TMEM229B: variants seen among roughly 807,000 people sequenced by gnomAD.
The protein encoded by TMEM229B is transmembrane protein 229B.
A neutral mutation model predicts 13.7 loss-of-function variants in TMEM229B; 6 were observed. The ratio of observed to expected loss-of-function variants is 0.44; its 90% CI spans 0.24 to 0.86. TMEM229B has a LOEUF of 0.86. TMEM229B is among the 40% of genes least tolerant of loss of function. The pLI is 0.23. For synonymous variants in TMEM229B, 107 were observed against 102.1 expected, an observed-to-expected ratio of 1.05 and a Z score of -0.29; for missense variants, 170 against 236.0, an observed-to-expected ratio of 0.72 and a Z score of 1.83.
intron 1 of TMEM229B, among the ~76,000 whole-genome samples, chr14:67,499,996 T>C (rs1227251973): frequency 6.6e-6 from 1 of 152,090 alleles, no homozygotes; most frequent in Non-Finnish European, 1.5e-5. Flanking sequence ...GCTCTACCAT[T>C]GATACTTGTA....
At position 67,506,130 on chromosome 14, in the gene TMEM229B, A is replaced by G. The variant is rs748280768; in HGVS notation, c.-192+8956T>C. Reference sequence around the variant, plus strand: ...AGCCAGCAGAGTGTACCCAGTGAGCACTTTCCTGCCCCTCCCAGTCCAGTG... The same window carrying G: ...AGCCAGCAGAGTGTACCCAGTGAGCGCTTTCCTGCCCCTCCCAGTCCAGTG... On this transcript the variant is annotated intron_variant, in intron 1 of 2. Transcript: ENST00000357461. Among the ~76,000 whole-genome samples, 15 of 152,204 alleles carry G rather than the reference A, an allele frequency of 9.9e-5. 1 individual carries two copies. The highest frequency in any genetic ancestry group is 4.1e-4 in the South Asian group (2 of 4,836).
At chr14:67,484,765 GA>G (rs879545503) in intron 2 of TMEM229B, among the ~76,000 whole-genome samples, 4 of 149,658 alleles carry the variant, frequency 2.7e-5, no homozygotes, top group African/African-American at 7.4e-5. Flanking sequence ...TTCTAATAAA[GA>G]AAAAAAAAGA....
intron 2 of TMEM229B, among the ~76,000 whole-genome samples, chr14:67,476,623 A>T (rs2031215529): frequency 6.6e-6 from 1 of 152,134 alleles, no homozygotes; most frequent in African/African-American, 2.4e-5. Context: ...AAAAAGATTC[A>T]TGTGAAGGTC....
At chr14:67,476,390 CA>C (rs2031197058) in intron 2 of TMEM229B, among the ~76,000 whole-genome samples, 1 of 152,048 alleles carries the variant, frequency 6.6e-6, no homozygotes, top group Non-Finnish European at 1.5e-5. Flanking sequence ...AGTTTGAGAA[CA>C]ACCTGGCCGA....
At chr14:67,518,227 G>A (rs1350177006), upstream of TMEM229B, among the ~76,000 whole-genome samples, 1 of 152,214 alleles carries the variant, frequency 6.6e-6, no homozygotes, top group East Asian at 1.9e-4. Context: ...GAGCGGTGTG[G>A]TGGTATGGGC....
intron 1 of TMEM229B, among the ~76,000 whole-genome samples, chr14:67,504,072 C>T (rs1417049712): frequency 2.0e-5 from 3 of 151,626 alleles, no homozygotes; most frequent in African/African-American, 4.9e-5. Context: ...GGAGTGCAGT[C>T]GTGCGATCTC....
rs749023956 is a variant in TMEM229B, at chr14:67,471,374, A to C, written c.*2046T>G. On this transcript the variant is annotated 3_prime_UTR_variant, in exon 3 of 3. Coordinates refer to ENST00000554480, the MANE Select transcript of TMEM229B (RefSeq NM_001348543.2). ...CTAGGGGCCCACATGGAAGGCCTGA[A>C]GGGGTGCTGGGAGACTAAGACAACA... 1.3e-5 allele frequency: 2 copies of C among 152,288 alleles called. No homozygotes were observed. Among genetic ancestry groups the C allele is most frequent in the Non-Finnish European group, 2.9e-5 (2 of 68,102 alleles). The allele number at this position is 152,288 out of a possible 1,614,324, so 9.4% of individuals were successfully genotyped here. A position where few individuals can be genotyped will look rare whatever the true frequency, so the allele number is the denominator to read the frequency against.
chr14:67,506,070 G>A (rs1340335934), intron 1 of TMEM229B, among the ~76,000 whole-genome samples: 1 of 152,206 alleles, frequency 6.6e-6, no homozygotes, highest in Non-Finnish European at 1.5e-5. Flanking sequence ...AGAGTTCTCT[G>A]AGAATCCGAT....
At chr14:67,474,271 A>AAAG (rs2031025646) in intron 2 of TMEM229B, among the ~76,000 whole-genome samples, 1 of 151,694 alleles carries the variant, frequency 6.6e-6, no homozygotes, top group East Asian at 1.9e-4. Context: ...AAAACAAAAA[A>AAAG]AAAACAGAGC....
chr14:67,498,249 G>T (rs966909834), intron 1 of TMEM229B, among the ~76,000 whole-genome samples: 1 of 152,036 alleles, frequency 6.6e-6, no homozygotes, highest in Non-Finnish European at 1.5e-5. Context: ...TACCTGGTTT[G>T]CCAAGACGTT....
At chr14:67,529,254 C>G (rs2033411225) in intron 1 of TMEM229B, among the ~76,000 whole-genome samples, 1 of 152,162 alleles carries the variant, frequency 6.6e-6, no homozygotes, top group Non-Finnish European at 1.5e-5. Context: ...GCTCCCATAC[C>G]CACAGGTATA....
In TMEM229B at chr14:67,486,562, A is replaced by G. The variant is rs2031893846; in HGVS notation, c.-19+438T>C. ...TGCTGGGATTACAGGCGTGAGCCACAGTGCCCGGCTGATCTGATGGTTTTA... is the reference window on the plus strand; with the variant it reads ...TGCTGGGATTACAGGCGTGAGCCACGGTGCCCGGCTGATCTGATGGTTTTA... On this transcript the variant is annotated intron_variant, in intron 2 of 2. Transcript: ENST00000554480. Among the ~76,000 whole-genome samples, 2 of 152,142 alleles carry G rather than the reference A, an allele frequency of 1.3e-5. 1 individual carries two copies. Among genetic ancestry groups the G allele is most frequent in the South Asian group, 4.1e-4 (2 of 4,830 alleles).
intron 1 of TMEM229B, among the ~76,000 whole-genome samples, chr14:67,529,051 C>CTTTACA (rs767541380): frequency 3.3e-5 from 5 of 152,120 alleles, no homozygotes; most frequent in Admixed American, 6.5e-5. Context: ...CTTGCTAGTC[C>CTTTACA]TTTACACCTC....
upstream of TMEM229B, among the ~76,000 whole-genome samples, chr14:67,516,317 C>G (rs891885096): frequency 1.5e-4 from 23 of 152,184 alleles, no homozygotes; most frequent in Non-Finnish European, 2.8e-4. Context: ...AGAGGGTACC[C>G]TTTCTAATTC....
chr14:67,526,965 A>G (rs975837024), intron 1 of TMEM229B, among the ~76,000 whole-genome samples: 6 of 152,188 alleles, frequency 3.9e-5, no homozygotes, highest in African/African-American at 1.4e-4. Flanking sequence ...CAAGGGAGAT[A>G]ATAGACCTAT....
chr14:67,516,609 T>C (rs2033206073), upstream of TMEM229B, among the ~76,000 whole-genome samples: 2 of 143,118 alleles, frequency 1.4e-5, no homozygotes, highest in Non-Finnish European at 3.1e-5. Flanking sequence ...CTAACCCTAA[T>C]CTGATCCTGT....
At chr14:67,512,561 C>T (rs572902392) in intron 1 of TMEM229B, among the ~76,000 whole-genome samples, 110 of 152,262 alleles carry the variant, frequency 7.2e-4, no homozygotes, top group African/African-American at 2.6e-3. Flanking sequence ...TAAAAGCATA[C>T]AAACTTGAAA....
At chr14:67,526,453 C>T (rs1238983670) in intron 1 of TMEM229B, among the ~76,000 whole-genome samples, 3 of 152,234 alleles carry the variant, frequency 2.0e-5, no homozygotes, top group Admixed American at 2.0e-4. Context: ...AAAAGGTATG[C>T]ATTGCTTGGT....
chr14:67,525,122 A>G (rs879243107), intron 1 of TMEM229B, among the ~76,000 whole-genome samples: 1 of 152,224 alleles, frequency 6.6e-6, no homozygotes, highest in Admixed American at 6.5e-5. Flanking sequence ...CTTACATAAT[A>G]TAGAAAAGAA....
Sources: gnomAD v4.1 joint callset for allele counts (sites outside exome capture counted in the v4.1 genomes callset) on GRCh38, gnomAD v4.1.1 for gene constraint, MANE v1.5 for transcripts, NCBI Gene and HGNC (gene_info 2026-07-23, HGNC 2026-07-21) for gene names.